C1orf94: variants seen among roughly 807,000 people sequenced by gnomAD.
C1orf94 encodes the protein chromosome 1 open reading frame 94, also known as uncharacterized protein C1orf94.
In C1orf94, 45 loss-of-function variants were observed where a neutral mutation model predicts 53.6. The observed-to-expected ratio is 0.84, with a 90% confidence interval of 0.66 to 1.08. The LOEUF (loss-of-function observed/expected upper bound fraction) is 1.08. C1orf94 is among the 50% of genes least tolerant of loss of function. The probability of loss-of-function intolerance (pLI) is 0.00; values close to 1 mark genes in which losing one functional copy is unlikely to be tolerated. For synonymous variants in C1orf94, 304 were observed against 296.1 expected (o/e 1.03, Z -0.27); for missense variants, 762 against 738.9 (o/e 1.03, Z -0.36).
chr1:34,174,548 G>A (rs1642193668), upstream of C1orf94, among the ~76,000 whole-genome samples: 2 of 152,176 alleles, frequency 1.3e-5, no homozygotes, highest in Non-Finnish European at 2.9e-5. Flanking sequence ...CCATTAGGGT[G>A]TGTCCTAATC....
At chr1:34,167,481 T>C (rs772786396) in intron 1 of C1orf94, among the ~76,000 whole-genome samples, 11 of 152,204 alleles carry the variant, frequency 7.2e-5, no homozygotes, top group Admixed American at 3.9e-4. Flanking sequence ...AAAGGAGCGT[T>C]TGTCATCCTT....
chr1:34,185,694 CTT>C (rs1478263995), intron 1 of C1orf94, among the ~76,000 whole-genome samples: 1 of 152,218 alleles, frequency 6.6e-6, no homozygotes, highest in Non-Finnish European at 1.5e-5. Flanking sequence ...CACCACATCT[CTT>C]CTCACTGCAT....
chr1:34,212,177 T>G (rs1214398534), intron 5 of C1orf94, 33 bp from the exon 6 acceptor site: 1 of 1,564,312 alleles, frequency 6.4e-7, no homozygotes, highest in African/African-American at 1.4e-5. Context: ...TGGGGAATGG[T>G]GACCTCACCC....
chr1:34,203,909 A>G (rs1387894217), intron 4 of C1orf94, among the ~76,000 whole-genome samples: 1 of 152,188 alleles, frequency 6.6e-6, no homozygotes, highest in African/African-American at 2.4e-5. Context: ...CTTTAGGTAG[A>G]ACTCAATTTT....
intron 1 of C1orf94, among the ~76,000 whole-genome samples, chr1:34,181,197 C>T (rs1201588870): frequency 2.0e-5 from 3 of 152,318 alleles, no homozygotes; most frequent in African/African-American, 7.2e-5. Flanking sequence ...GACAGCAAGA[C>T]AGCAACAATA....
chr1:34,167,813 G>T (rs1642072923), intron 1 of C1orf94, among the ~76,000 whole-genome samples: 1 of 152,020 alleles, frequency 6.6e-6, no homozygotes, highest in African/African-American at 2.4e-5. Context: ...TCCTGGACTT[G>T]GGGGATCAGA....
chr1:34,187,725 C>A (rs974537137), intron 1 of C1orf94, among the ~76,000 whole-genome samples: 7 of 150,858 alleles, frequency 4.6e-5, no homozygotes, highest in Non-Finnish European at 8.9e-5. Context: ...TGTATTTATT[C>A]CCTGGTATTT....
At chr1:34,184,783 G>T (rs989484916) in intron 1 of C1orf94, among the ~76,000 whole-genome samples, 1 of 151,998 alleles carries the variant, frequency 6.6e-6, no homozygotes, top group Non-Finnish European at 1.5e-5. Context: ...AGGTGAACCC[G>T]ACTTCTCTGG....
At chr1:34,206,236 C>T (rs1373516078) in intron 4 of C1orf94, among the ~76,000 whole-genome samples, 1 of 152,198 alleles carries the variant, frequency 6.6e-6, no homozygotes, top group East Asian at 1.9e-4. Flanking sequence ...CTTAAGCCCT[C>T]TGCTGTCCCT....
At chr1:34,194,406 A>G (rs1234428607) in intron 1 of C1orf94, among the ~76,000 whole-genome samples, 1 of 152,158 alleles carries the variant, frequency 6.6e-6, no homozygotes, top group Non-Finnish European at 1.5e-5. Flanking sequence ...TGGGGAGGGC[A>G]GGAGTGACCT....
In C1orf94 at chr1:34,167,816, G is replaced by A. The variant is rs191510743; in HGVS notation, c.-251+645G>A. 9.2e-5 allele frequency among the ~76,000 whole-genome samples: 14 copies of A among 152,208 alleles called. No individual in the cohort carries two copies. In the East Asian group the frequency reaches 2.7e-3, roughly 29 times the overall value. On this transcript the variant is annotated intron_variant, in intron 1 of 6. Coordinates refer to the C1orf94 transcript ENST00000373374. ...ACAGTGAGCTTTTCCTGGACTTGGGGGATCAGAAGGCTAATTTAAGAAGGA... is the reference window on the plus strand; with the variant it reads ...ACAGTGAGCTTTTCCTGGACTTGGGAGATCAGAAGGCTAATTTAAGAAGGA...
At chr1:34,208,480 C>G (rs1248141117) in intron 5 of C1orf94, among the ~76,000 whole-genome samples, 4 of 152,208 alleles carry the variant, frequency 2.6e-5, no homozygotes, top group South Asian at 4.1e-4. Context: ...TGTGTCTGCA[C>G]TAACTAATTT....
At chr1:34,169,383 G>T (rs1351319825) in intron 1 of C1orf94, among the ~76,000 whole-genome samples, 1 of 152,276 alleles carries the variant, frequency 6.6e-6, no homozygotes, top group African/African-American at 2.4e-5. Flanking sequence ...GTGGGTTGAG[G>T]TGTCTTTACA....
In C1orf94 at chr1:34,197,924, T is replaced by A; in HGVS notation, c.1009+11T>A. On this transcript the variant is annotated intron_variant, in intron 2 of 6. Transcript: ENST00000488417. This position sits in a 1 kb window ranked among gnomAD's most constrained non-coding sequence, Gnocchi z 4.1. ...GGCACCACTTGATGGGTGAGTGGGG[T>A]TGGAACTGGGGTAGAGTGGGCCTGC... 1.2e-6 allele frequency: 2 copies of A among 1,607,384 alleles called. No homozygotes were observed. Among genetic ancestry groups the A allele is most frequent in the Non-Finnish European group, 1.7e-6 (2 of 1,176,328 alleles).
chr1:34,216,934 G>A (rs151329220), intron 6 of C1orf94, among the ~76,000 whole-genome samples: 5 of 152,076 alleles, frequency 3.3e-5, no homozygotes, highest in Non-Finnish European at 7.3e-5. Flanking sequence ...CAAAAAATTA[G>A]CCAGGTGTGA....
chr1:34,180,891 T>C (rs974031612), intron 1 of C1orf94, among the ~76,000 whole-genome samples: 12 of 152,204 alleles, frequency 7.9e-5, no homozygotes, highest in Admixed American at 2.0e-4. Flanking sequence ...CATAGGAACC[T>C]AGACATTTCA....
chr1:34,203,134 C>T (rs894687989), intron 4 of C1orf94, among the ~76,000 whole-genome samples: 1 of 152,080 alleles, frequency 6.6e-6, no homozygotes, highest in African/African-American at 2.4e-5. Flanking sequence ...AGATCATCCT[C>T]ATATGCCATT....
chr1:34,187,769 AC>A (rs1304813112), intron 1 of C1orf94, among the ~76,000 whole-genome samples: 1,587 of 41,942 alleles, frequency 0.038, 25 homozygotes, highest in South Asian at 0.055. Context: ...GAATCCACCC[AC>A]CCCCCCCCCC....
intron 1 of C1orf94, among the ~76,000 whole-genome samples, chr1:34,194,886 T>C (rs1347034780): frequency 6.6e-6 from 1 of 152,180 alleles, no homozygotes; most frequent in Non-Finnish European, 1.5e-5. Context: ...AGGCAAAAAC[T>C]AGTCTGACTC....
Sources: allele counts gnomAD v4.1 joint callset (sites outside exome capture counted in the v4.1 genomes callset), GRCh38; gene constraint gnomAD v4.1.1; non-coding constraint Gnocchi (gnomAD v3.1); transcripts MANE v1.5; gene names NCBI Gene and HGNC (gene_info 2026-07-23, HGNC 2026-07-21).